The following ZNF467 variants were observed in gnomAD, a reference collection of about 807,000 sequenced individuals.
ZNF467 encodes zinc finger protein EZI.
Under a neutral mutation model 47.8 loss-of-function variants are expected in ZNF467, and 51 were observed. That is an observed-to-expected ratio of 1.07 (90% confidence interval 0.85 to 1.35). The LOEUF is 1.35. Among genes scored for constraint, ZNF467 ranks in the 40% most tolerant of loss-of-function variants. The pLI, the probability that ZNF467 is intolerant of heterozygous loss-of-function variation, is 0.00. For missense variants in ZNF467, 992 were observed against 858.1 expected (o/e 1.16, Z -1.95); for synonymous variants, 416 against 372.9 (o/e 1.12, Z -1.33).
At chr7:149,771,237 C>T (rs1799395897) in intron 1 of ZNF467, among the ~76,000 whole-genome samples, 163 bp from the exon 2 acceptor site, 1 of 152,170 alleles carries the variant, frequency 6.6e-6, no homozygotes, top group African/African-American at 2.4e-5. Flanking sequence ...GAAAGCCAAG[C>T]CAAGAGATCT....
At position 149,764,936 on chromosome 7, in the gene ZNF467, GC is replaced by G; in HGVS notation, c.1565del (p.Arg522ProfsTer9). 6.3e-7 allele frequency: 1 copy of G among 1,577,754 alleles called. No homozygotes were observed. The highest frequency in any genetic ancestry group is 8.6e-7 in the Non-Finnish European group (1 of 1,167,552). On this transcript the variant is annotated frameshift_variant, in exon 5 of 5. Transcript: ENST00000302017. LOFTEE classifies it high-confidence loss of function. ...SRPHACAVCA[R>X]SFSSKTNLVR... is the part of the protein sequence containing the mutation. Reference sequence around the variant, plus strand: ...CTAGGTTGGTTTTGGAGCTGAAGCTGCGGGCGCAGACGGCGCAGGCGTGGGG... The same window carrying G: ...CTAGGTTGGTTTTGGAGCTGAAGCTGGGGCGCAGACGGCGCAGGCGTGGGG...
At chr7:149,771,124 C>T in intron 1 of ZNF467, 50 bp from the exon 2 acceptor site, 2 of 1,547,592 alleles carry the variant, frequency 1.3e-6, no homozygotes, top group Admixed American at 1.7e-5. Context: ...CCAGCTTCCA[C>T]CTGGGCCCTG....
upstream of ZNF467, among the ~76,000 whole-genome samples, chr7:149,773,862 C>T (rs1403280627): frequency 1.3e-5 from 2 of 152,130 alleles, no homozygotes; most frequent in Non-Finnish European, 2.9e-5. Context: ...CCCGCAGCCC[C>T]TCGCCTGGAG....
In ZNF467 at chr7:149,764,459, C is replaced by A; in HGVS notation, c.*255G>T. On this transcript the variant is annotated 3_prime_UTR_variant, in exon 5 of 5. Coordinates refer to ENST00000302017, the MANE Select transcript of ZNF467 (RefSeq NM_207336.3). Reference sequence around the variant, plus strand: ...GCTGGGTCCGGGAAATATCTGCTTTCCAACGGGGCACCTGGGTGGGAGCCT... The same window carrying A: ...GCTGGGTCCGGGAAATATCTGCTTTACAACGGGGCACCTGGGTGGGAGCCT... 1 of 683,894 alleles carries A rather than the reference C, an allele frequency of 1.5e-6. No homozygotes were observed. Among genetic ancestry groups the A allele is most frequent in the East Asian group, 2.8e-5 (1 of 35,492 alleles). The allele number at this position is 683,894 out of a possible 1,614,324, so 42.4% of individuals were successfully genotyped here.
intron 1 of ZNF467, among the ~76,000 whole-genome samples, chr7:149,772,526 C>T (rs1227935590): frequency 5.1e-5 from 7 of 137,698 alleles, no homozygotes; most frequent in Non-Finnish European, 9.5e-5. Context: ...CTCCGCGCCT[C>T]TCTTCTCCGC....
At chr7:149,766,272 C>G in intron 4 of ZNF467, 33 bp from the exon 5 acceptor site, 1 of 1,511,798 alleles carries the variant, frequency 6.6e-7, no homozygotes, top group Non-Finnish European at 8.8e-7. Flanking sequence ...GTCTATTGAG[C>G]TCCACGTGCG....
upstream of ZNF467, among the ~76,000 whole-genome samples, chr7:149,774,637 T>C (rs1799525902): frequency 6.6e-6 from 1 of 152,104 alleles, no homozygotes; most frequent in South Asian, 2.1e-4. The surrounding 1 kb of genome is among the most constrained non-coding windows in gnomAD (Gnocchi z 5.7). Context: ...TGGAGTAGCA[T>C]GTGTCACTGT....
chr7:149,765,962 C>T lies in ZNF467; in HGVS notation c.540G>A (p.Arg180=). The T allele has an allele frequency of 6.4e-7, 1 of 1,553,190 alleles. No individual in the cohort carries two copies. Residue 180 remains arginine (R), a synonymous_variant, in exon 5 of 5, where the codon CGG becomes CGA. Transcript: ENST00000302017. The part of the protein sequence containing the change: ...RDQLTLRLHQ[R]LHRGEGPCAC... The stretch of plus-strand genomic sequence containing the variant: ...CGCAGGGGCCCTCGCCCCGGTGCAG[C>T]CGCTGGTGCAGTCGCAACGTCAGCT...
In ZNF467 at chr7:149,764,527, A is replaced by T; in HGVS notation, c.*187T>A. ...AGCGGTTCCCAGCAAGGGTTCGCTG[A>T]GTCTCTGTCCTAGGAGGTCCGAGCT... On this transcript the variant is annotated 3_prime_UTR_variant, in exon 5 of 5. Transcript: ENST00000302017. The T allele has an allele frequency of 1.8e-6, 2 of 1,084,156 alleles. No individual in the cohort carries two copies. Among genetic ancestry groups the T allele is most frequent in the Non-Finnish European group, 2.7e-6 (2 of 733,704 alleles). 67.2% of individuals were successfully genotyped at this position (1,084,156 alleles called of 1,614,324 possible). A position where few individuals can be genotyped will look rare whatever the true frequency, so the allele number is the denominator to read the frequency against.
Position 149,765,683 on chromosome 7 carries a change from GGGGAA to G in ZNF467, c.814_818del (p.Phe272LeufsTer115). 6.2e-7 allele frequency: 1 copy of G among 1,613,362 alleles called. No homozygotes were observed. Among genetic ancestry groups the G allele is most frequent in the Non-Finnish European group, 8.5e-7 (1 of 1,179,826 alleles). ...GAAAGCGCTTCTCGCATTCCGTGCA[GGGGAA>G]GGGCCGCTCGCCGGTGTGGGTCTTT... On this transcript the variant is annotated frameshift_variant, in exon 5 of 5. Transcript: ENST00000302017. LOFTEE classifies it high-confidence loss of function.
At chr7:149,776,370 C>A (rs1277157607), upstream of ZNF467, 2 of 1,363,580 alleles carry the variant, frequency 1.5e-6, no homozygotes, top group Non-Finnish European at 2.0e-6. Flanking sequence ...GGACAGAGAC[C>A]ATCCGTGTGG....
upstream of ZNF467, among the ~76,000 whole-genome samples, chr7:149,775,854 G>A (rs1799559857): frequency 1.3e-5 from 2 of 152,324 alleles, no homozygotes; most frequent in African/African-American, 2.4e-5. Flanking sequence ...CCGGTTGTGG[G>A]CAGCTGGTGC....
Position 149,765,231 on chromosome 7 carries a change from G to A in ZNF467, c.1271C>T (p.Ala424Val), listed in dbSNP as rs1192437645. The stretch of plus-strand genomic sequence containing the variant: ...GAAGAAGGACCGCTCGCCCGAGGGG[G>A]CGCGCTGGGGCACCACGGGATCGGA... ...PGSDPVVPQR[A>V]PSGERSFFCP... Residue 424 changes from alanine to valine, a missense_variant, in exon 5 of 5, where the codon GCC becomes GTC. Coordinates refer to ENST00000302017, the MANE Select transcript of ZNF467 (RefSeq NM_207336.3). 6.8e-7 allele frequency: 1 copy of A among 1,471,338 alleles called. No homozygotes were observed. The highest frequency in any genetic ancestry group is 9.0e-7 in the Non-Finnish European group (1 of 1,114,284). 91.1% of individuals were successfully genotyped at this position (1,471,338 alleles called of 1,614,324 possible).
upstream of ZNF467, among the ~76,000 whole-genome samples, chr7:149,773,666 T>C (rs1387626330): frequency 2.3e-5 from 1 of 43,956 alleles, no homozygotes; most frequent in Admixed American, 2.6e-4. Flanking sequence ...CGGGGAGGAG[T>C]TGGGGGAACG....
chr7:149,774,281 T>C (rs1489338373), upstream of ZNF467, among the ~76,000 whole-genome samples: 2 of 152,166 alleles, frequency 1.3e-5, no homozygotes, highest in Non-Finnish European at 2.9e-5. The surrounding 1 kb of genome is among the most constrained non-coding windows in gnomAD (Gnocchi z 5.7). Context: ...TCCTTGGCCT[T>C]GTTCCCGCTG....
chr7:149,770,604 C>A (rs531046727), intron 2 of ZNF467, 48 bp from the exon 3 acceptor site: 5 of 1,515,788 alleles, frequency 3.3e-6, no homozygotes, highest in Admixed American at 3.7e-5. Context: ...CAGTACAGAA[C>A]AAGTAATCAG....
At chr7:149,773,695 G>A (rs1799500918), upstream of ZNF467, among the ~76,000 whole-genome samples, 1 of 150,510 alleles carries the variant, frequency 6.6e-6, no homozygotes, top group South Asian at 2.1e-4. Flanking sequence ...CCGTGTCGGG[G>A]GGGAGCCAGC....
rs1177717624 is a variant in ZNF467 at position 149,764,961 on chromosome 7, G to C, written c.1541C>G (p.Pro514Arg). Residue 514 changes from proline to arginine, a missense_variant, in exon 5 of 5, where the codon CCC (proline) becomes CGC (arginine). By Grantham distance (103) the Pro-to-Arg change is moderately radical. Coordinates refer to ENST00000302017, the MANE Select transcript of ZNF467 (RefSeq NM_207336.3). ...RHQAVHTGSR[P>R]HACAVCARSF... The stretch of plus-strand genomic sequence containing the variant: ...GCGGGCGCAGACGGCGCAGGCGTGG[G>C]GGCGGCTGCCAGTGTGCACCGCCTG... 1 of 1,589,832 alleles carries C rather than the reference G, an allele frequency of 6.3e-7. No homozygotes were observed. Among genetic ancestry groups the C allele is most frequent in the Non-Finnish European group, 8.5e-7 (1 of 1,174,074 alleles).
chr7:149,772,354 C>T (rs1197850225), intron 1 of ZNF467, among the ~76,000 whole-genome samples: 5 of 88,530 alleles, frequency 5.6e-5, no homozygotes, highest in Non-Finnish European at 9.2e-5. Flanking sequence ...CTTCCCTCCC[C>T]GTCCCCAGTC....
Sources: allele counts gnomAD v4.1 joint callset (sites outside exome capture counted in the v4.1 genomes callset), GRCh38; gene constraint gnomAD v4.1.1; non-coding constraint Gnocchi (gnomAD v3.1); transcripts MANE v1.5; gene names NCBI Gene and HGNC (gene_info 2026-07-23, HGNC 2026-07-21).